Variants in FBXO4 observed in about 807,000 individuals in gnomAD.
FBXO4 encodes the protein F-box only protein 4.
A neutral mutation model predicts 43.7 loss-of-function variants in FBXO4; 36 were observed. The ratio of observed to expected loss-of-function variants is 0.82; its 90% CI spans 0.63 to 1.09. The LOEUF is 1.09. FBXO4 is among the 50% of genes least tolerant of loss of function. The probability of loss-of-function intolerance (pLI) is 0.00; values close to 1 mark genes in which losing one functional copy is unlikely to be tolerated. For synonymous variants in FBXO4, 180 were observed against 165.6 expected (o/e 1.09, Z -0.67); for missense variants, 435 against 474.1 (o/e 0.92, Z 0.77).
chr5:41,930,947 C>G (rs572499291), intron 3 of FBXO4, among the ~76,000 whole-genome samples: 1 of 152,212 alleles, frequency 6.6e-6, no homozygotes, highest in Non-Finnish European at 1.5e-5. Context: ...TGAGCCACCG[C>G]GCCCGGCGGA....
chr5:41,934,498 A>G, intron 5 of FBXO4, 190 bp downstream of exon 5: 1 of 1,402,772 alleles, frequency 7.1e-7, no homozygotes, highest in Non-Finnish European at 9.3e-7. Flanking sequence ...GAAGCTTGTT[A>G]AACATGTTAA....
At chr5:41,943,018 A>G (rs1752026957), downstream of FBXO4, among the ~76,000 whole-genome samples, 1 of 152,144 alleles carries the variant, frequency 6.6e-6, no homozygotes, top group African/African-American at 2.4e-5. Flanking sequence ...CTTTGTATAC[A>G]TAAACTTTAA....
At chr5:41,933,044 C>G (rs918999309) in intron 3 of FBXO4, among the ~76,000 whole-genome samples, 2 of 152,164 alleles carry the variant, frequency 1.3e-5, no homozygotes, top group East Asian at 3.8e-4. Flanking sequence ...TTAATCTTCC[C>G]AGTAAACCTA....
the FBXO4 span, among the ~76,000 whole-genome samples, chr5:41,974,443 T>G: frequency 6.6e-6 from 1 of 152,222 alleles, no homozygotes; most frequent in Non-Finnish European, 1.5e-5. Context: ...GGATGTTTTT[T>G]TCCCAGGTAT....
In FBXO4 at chr5:41,929,718, C is replaced by A; in HGVS notation, c.447C>A (p.Tyr149Ter). 1 of 1,611,190 alleles carries A rather than the reference C, an allele frequency of 6.2e-7. No homozygotes were observed. Among genetic ancestry groups the A allele is most frequent in the East Asian group, 2.2e-5 (1 of 44,872 alleles). ...ACAGCTATAGAATGTGCTGTCCATACACAAGAAGAGCTTCAAAATCCAGCC... is the reference window on the plus strand; with the variant it reads ...ACAGCTATAGAATGTGCTGTCCATAAACAAGAAGAGCTTCAAAATCCAGCC... ...YMAVYRMCCPYTRRASKSSRP... is the reference protein window; with the variant it reads ...YMAVYRMCCP Residue 149 changes from tyrosine to a stop codon, truncating the protein, a stop_gained, in exon 3 of 7, where the codon TAC (tyrosine) becomes TAA (stop). Transcript: ENST00000281623. LOFTEE classifies it high-confidence loss of function.
intron 5 of FBXO4, among the ~76,000 whole-genome samples, chr5:41,935,848 C>T (rs1347580531): frequency 6.6e-6 from 1 of 152,218 alleles, no homozygotes; most frequent in Non-Finnish European, 1.5e-5. Flanking sequence ...ACAAGATAGG[C>T]TGAAAGCTGA....
the FBXO4 span, among the ~76,000 whole-genome samples, chr5:42,019,415 G>A: frequency 1.3e-5 from 2 of 152,178 alleles, no homozygotes; most frequent in African/African-American, 2.4e-5. Context: ...TAGGCCAGGT[G>A]CAGTGGCTCA....
At chr5:41,994,130 C>G in the FBXO4 span, among the ~76,000 whole-genome samples, 1 of 152,126 alleles carries the variant, frequency 6.6e-6, no homozygotes, top group African/African-American at 2.4e-5. Context: ...ATAATAAGGT[C>G]ATAATTATGC....
rs756327061 is a variant in FBXO4 at position 41,939,468 on chromosome 5, A to G, written c.926A>G (p.His309Arg). The change falls in exon 6 of 7, where the codon CAT (histidine) becomes CGT (arginine). Residue 309 changes from histidine (H) to arginine (R), a missense_variant. By Grantham distance (29) the His-to-Arg change is conservative. Coordinates refer to ENST00000281623, the MANE Select transcript of FBXO4 (RefSeq NM_012176.3). The part of the protein sequence containing the change: ...KRHEWQDEFS[H>R]IMAMTDPAFG... ...CATGAATGGCAAGATGAATTTTCTC[A>G]TATTATGGCAATGACAGATCCAGCC... The G allele has an allele frequency of 5.6e-6, 9 of 1,611,398 alleles. No individual in the cohort carries two copies. Among genetic ancestry groups the G allele is most frequent in the Middle Eastern group, 1.6e-4 (1 of 6,074 alleles).
the FBXO4 span, among the ~76,000 whole-genome samples, chr5:41,947,291 G>A: frequency 1.3e-5 from 2 of 152,204 alleles, no homozygotes; most frequent in African/African-American, 4.8e-5. Flanking sequence ...ACCTGTCAAA[G>A]ATGAGAAGGC....
At chr5:41,986,157 C>A in the FBXO4 span, among the ~76,000 whole-genome samples, 1 of 152,072 alleles carries the variant, frequency 6.6e-6, no homozygotes, top group East Asian at 1.9e-4. Flanking sequence ...AGTCCCCATG[C>A]TTGAGGTAGT....
At chr5:41,927,437 C>T (rs1048212012) in intron 2 of FBXO4, among the ~76,000 whole-genome samples, 189 bp downstream of exon 2, 1 of 152,082 alleles carries the variant, frequency 6.6e-6, no homozygotes, top group Non-Finnish European at 1.5e-5. Flanking sequence ...TTTATTATTT[C>T]CCTGTGGTGC....
the FBXO4 span, among the ~76,000 whole-genome samples, chr5:42,024,047 A>T: frequency 6.6e-6 from 1 of 152,016 alleles, no homozygotes; most frequent in African/African-American, 2.4e-5. Flanking sequence ...TTTATTGTAA[A>T]ACTATTTATC....
chr5:41,934,408 C>A, intron 5 of FBXO4, 100 bp downstream of exon 5: 1 of 1,547,652 alleles, frequency 6.5e-7, no homozygotes, highest in Non-Finnish European at 8.7e-7. Flanking sequence ...AATATGATGG[C>A]TTATTTTATC....
In FBXO4 at chr5:41,925,381, G is replaced by A; in HGVS notation, c.72G>A (p.Glu24=). 1 of 1,382,042 alleles carries A rather than the reference G, an allele frequency of 7.2e-7. No individual in the cohort carries two copies. 85.6% of individuals were successfully genotyped at this position (1,382,042 alleles called of 1,614,324 possible). A position where few individuals can be genotyped will look rare whatever the true frequency, so the allele number is the denominator to read the frequency against. Residue 24 remains glutamate (E), a synonymous_variant, in exon 1 of 7, where the codon GAG becomes GAA. Coordinates refer to ENST00000281623, the MANE Select transcript of FBXO4 (RefSeq NM_012176.3). ...PPPFSDWGRL[E]AAILSGWKTF... is the part of the protein sequence containing the mutation. ...CCTTCAGCGACTGGGGCCGCCTGGAGGCGGCCATCCTCAGCGGCTGGAAGA... is the reference window on the plus strand; with the variant it reads ...CCTTCAGCGACTGGGGCCGCCTGGAAGCGGCCATCCTCAGCGGCTGGAAGA...
chr5:41,960,676 T>G, the FBXO4 span, among the ~76,000 whole-genome samples: 1 of 152,184 alleles, frequency 6.6e-6, no homozygotes, highest in African/African-American at 2.4e-5. Context: ...TGGTGAATTA[T>G]TCTGGTGTTG....
chr5:41,934,864 T>C (rs537272619), intron 5 of FBXO4: 11 of 988,258 alleles, frequency 1.1e-5, no homozygotes, highest in South Asian at 4.6e-5. Flanking sequence ...AATCAAAATA[T>C]CATTGGGCCA....
At chr5:41,977,034 T>C in the FBXO4 span, among the ~76,000 whole-genome samples, 15 of 152,196 alleles carry the variant, frequency 9.9e-5, no homozygotes, top group Non-Finnish European at 2.1e-4. Context: ...TGTACCTGGG[T>C]CCTGTTGAGC....
the FBXO4 span, among the ~76,000 whole-genome samples, chr5:41,968,815 C>A: frequency 2.0e-5 from 3 of 151,788 alleles, no homozygotes; most frequent in Non-Finnish European, 2.9e-5. Flanking sequence ...AAAATGATTT[C>A]TTTTGAATTT....
Sources: gnomAD v4.1 joint callset for allele counts (sites outside exome capture counted in the v4.1 genomes callset) on GRCh38, gnomAD v4.1.1 for gene constraint, MANE v1.5 for transcripts, NCBI Gene and HGNC (gene_info 2026-07-23, HGNC 2026-07-21) for gene names.